GRIA1: variants seen among roughly 807,000 people sequenced by gnomAD.
GRIA1 encodes glutamate ionotropic receptor AMPA type subunit 1.
Under a neutral mutation model 99.2 loss-of-function variants are expected in GRIA1, and 31 were observed. The observed-to-expected ratio is 0.31, with a 90% CI of 0.23 to 0.42. GRIA1 has a LOEUF of 0.42. Ranked by LOEUF, GRIA1 falls within the 10% of genes least tolerant of loss-of-function variation. GRIA1 has a pLI of 1.00. For missense variants in GRIA1, 782 were observed against 1,157.5 expected, an observed-to-expected ratio of 0.68 and a Z score of 4.71; for synonymous variants, 438 against 432.4, an observed-to-expected ratio of 1.01 and a Z score of -0.16.
chr5:153,668,622 A>G (rs1340897002), intron 5 of GRIA1, among the ~76,000 whole-genome samples: 1 of 152,196 alleles, frequency 6.6e-6, no homozygotes, highest in Non-Finnish European at 1.5e-5. Context: ...TGCAAAGCCT[A>G]AAATATTTAT....
At chr5:153,717,016 G>C (rs779209971) in intron 11 of GRIA1, among the ~76,000 whole-genome samples, 1 of 152,162 alleles carries the variant, frequency 6.6e-6, no homozygotes. Context: ...AACAGGAAGC[G>C]GCTGTTGAGG....
chr5:153,807,219 T>A (rs1380054905), intron 15 of GRIA1, among the ~76,000 whole-genome samples: 1 of 152,176 alleles, frequency 6.6e-6, no homozygotes, highest in East Asian at 1.9e-4. Context: ...CCTACAGGCA[T>A]CCCTTCCACA....
At position 153,746,678 on chromosome 5, in the gene GRIA1, G is replaced by T. The variant is rs1003984739; in HGVS notation, c.1824-17756G>T. On this transcript the variant is annotated intron_variant, in intron 11 of 15. Transcript: ENST00000285900. ...AGAGCTCTGGGGGTGGGGGCCTCTG[G>T]ATGCAGAGAAACCATATGTTTTGGT... Among the ~76,000 whole-genome samples the T allele has an allele frequency of 6.6e-5, 10 of 152,176 alleles. No individual in the cohort carries two copies. In the East Asian group the frequency reaches 1.9e-3, roughly 29 times the overall value.
chr5:153,666,602 C>A (rs1285328132), intron 5 of GRIA1, among the ~76,000 whole-genome samples: 1 of 152,152 alleles, frequency 6.6e-6, no homozygotes, highest in Non-Finnish European at 1.5e-5. Context: ...ACTTGTTGGT[C>A]TCTGTCCCTC....
chr5:153,727,082 A>G (rs1305036644), intron 11 of GRIA1, among the ~76,000 whole-genome samples: 5 of 152,176 alleles, frequency 3.3e-5, no homozygotes, highest in Non-Finnish European at 7.4e-5. Flanking sequence ...CTGGTTCAAT[A>G]TATGCAAATC....
At chr5:153,635,319 AT>A in intron 2 of GRIA1, among the ~76,000 whole-genome samples, 2 of 152,156 alleles carry the variant, frequency 1.3e-5, no homozygotes, top group South Asian at 4.1e-4. Flanking sequence ...AGCAGAAGGT[AT>A]TTTGTGACTA....
intron 2 of GRIA1, among the ~76,000 whole-genome samples, chr5:153,616,016 G>A (rs987680833): frequency 4.6e-5 from 7 of 152,074 alleles, no homozygotes; most frequent in Non-Finnish European, 8.8e-5. Context: ...TGGCTACAGA[G>A]GGATCAATGA....
intron 2 of GRIA1, chr5:153,573,365 A>C (rs939628124): frequency 1.3e-5 from 2 of 152,320 alleles, no homozygotes; most frequent in Non-Finnish European, 2.9e-5. Context: ...AAATGGGAAT[A>C]AAAATACAAC....
At chr5:153,608,213 T>C (rs1765624408) in intron 2 of GRIA1, among the ~76,000 whole-genome samples, 1 of 152,194 alleles carries the variant, frequency 6.6e-6, no homozygotes, top group African/African-American at 2.4e-5. Flanking sequence ...AATTTTGCAA[T>C]ATTCTGGTTA....
intron 2 of GRIA1, among the ~76,000 whole-genome samples, chr5:153,515,802 G>A (rs184752741): frequency 4.6e-5 from 7 of 152,240 alleles, no homozygotes; most frequent in Admixed American, 2.6e-4. Flanking sequence ...CATGTCTCTG[G>A]GGCTAGGGTA....
chr5:153,614,354 G>A (rs1006176029), intron 2 of GRIA1, among the ~76,000 whole-genome samples: 2 of 152,146 alleles, frequency 1.3e-5, no homozygotes, highest in Admixed American at 6.6e-5. Flanking sequence ...ACAATAGTTA[G>A]CAATCATAAA....
intron 11 of GRIA1, among the ~76,000 whole-genome samples, chr5:153,718,196 C>T (rs534016108): frequency 1.3e-5 from 2 of 152,200 alleles, no homozygotes; most frequent in African/African-American, 4.8e-5. Flanking sequence ...GTAGAAGAAC[C>T]AAGGTATTCA....
Position 153,537,315 on chromosome 5 carries a change from C to A in GRIA1, c.220+43250C>A, listed in dbSNP as rs1387383201. Among the ~76,000 whole-genome samples the A allele has an allele frequency of 2.6e-5, 4 of 152,220 alleles. No individual in the cohort carries two copies. The East Asian group carries it at 5.8e-4, about 22-fold the overall frequency. ...GCAGCAGCCTGGAGACCAGACCCTG[C>A]ACATCAAGGCCCAGTGGAAAACTAA... On this transcript the variant is annotated intron_variant, in intron 2 of 15. Transcript: ENST00000285900.
chr5:153,744,390 C>G (rs1373402901), intron 11 of GRIA1, among the ~76,000 whole-genome samples: 8 of 152,058 alleles, frequency 5.3e-5, no homozygotes, highest in Admixed American at 5.2e-4. Flanking sequence ...ATTTAATGAC[C>G]CTGTAAGAAT....
chr5:153,718,494 T>C (rs1156930190), intron 11 of GRIA1, among the ~76,000 whole-genome samples: 1 of 152,180 alleles, frequency 6.6e-6, no homozygotes, highest in African/African-American at 2.4e-5. Context: ...GTTTGGATCC[T>C]AGCTCCAGCA....
At chr5:153,702,253 A>G (rs1758582304) in intron 10 of GRIA1, among the ~76,000 whole-genome samples, 1 of 152,210 alleles carries the variant, frequency 6.6e-6, no homozygotes, top group Admixed American at 6.5e-5. Flanking sequence ...TGCTCCTCAC[A>G]TGGTATATCT....
chr5:153,803,339 G>C lies in GRIA1; in HGVS notation c.2520+849G>C, dbSNP rs116127973. The stretch of plus-strand genomic sequence containing the variant: ...GCAGTTTGGATTAAATGATCTTCAA[G>C]GCCCCTCAACATTTAGCTTCAGTAA... On this transcript the variant is annotated intron_variant, in intron 15 of 15. Coordinates refer to ENST00000285900, the MANE Select transcript of GRIA1 (RefSeq NM_000827.4). Among the ~76,000 whole-genome samples, 903 of 152,264 alleles carry C rather than the reference G, an allele frequency of 5.9e-3. 10 individuals carry two copies. The highest frequency in any genetic ancestry group is 0.021 in the African/African-American group (861 of 41,552).
intron 15 of GRIA1, among the ~76,000 whole-genome samples, chr5:153,803,416 A>G (rs1253990169): frequency 6.6e-6 from 1 of 152,262 alleles, no homozygotes; most frequent in Non-Finnish European, 1.5e-5. Context: ...TCAAGGCATC[A>G]TGAGGACTCA....
chr5:153,683,693 G>A (rs1035094574), intron 7 of GRIA1, among the ~76,000 whole-genome samples: 2 of 152,050 alleles, frequency 1.3e-5, no homozygotes, highest in Admixed American at 1.3e-4. Context: ...CAGCCCCAAG[G>A]CCTCAATTTT....
Sources: allele counts gnomAD v4.1 joint callset (sites outside exome capture counted in the v4.1 genomes callset), GRCh38; gene constraint gnomAD v4.1.1; transcripts MANE v1.5; gene names NCBI Gene and HGNC (gene_info 2026-07-23, HGNC 2026-07-21).